The following ADAMTS17 variants were observed in gnomAD, a reference collection of about 807,000 sequenced individuals.
The protein encoded by ADAMTS17 is ADAM metallopeptidase with thrombospondin type 1 motif 17.
ADAMTS17 carries 113 observed loss-of-function variants against 141.5 expected under a neutral mutation model. The observed-to-expected ratio is 0.80, with a 90% CI of 0.69 to 0.93. ADAMTS17 has a LOEUF of 0.93. Among genes scored for constraint, ADAMTS17 ranks in the 40% least tolerant of loss-of-function variants. The pLI, the probability that ADAMTS17 is intolerant of heterozygous loss-of-function variation, is 0.00. For missense variants in ADAMTS17, 1,659 were observed against 1,517.9 expected (o/e 1.09, Z -1.54); for synonymous variants, 768 against 630.6 (o/e 1.22, Z -3.27).
intron 3 of ADAMTS17, among the ~76,000 whole-genome samples, chr15:100,310,998 G>T (rs546310804): frequency 2.6e-5 from 4 of 152,206 alleles, no homozygotes; most frequent in African/African-American, 9.6e-5. Context: ...CAGCTGTCCC[G>T]GTGAGACTTT....
At chr15:100,232,144 T>G (rs993228394) in intron 7 of ADAMTS17, among the ~76,000 whole-genome samples, 6 of 152,222 alleles carry the variant, frequency 3.9e-5, no homozygotes, top group African/African-American at 1.4e-4. Context: ...AAAATTGGGT[T>G]GGGTTGGGGA....
chr15:100,229,632 G>T (rs1054921540), intron 7 of ADAMTS17, among the ~76,000 whole-genome samples: 1 of 152,150 alleles, frequency 6.6e-6, no homozygotes, highest in Non-Finnish European at 1.5e-5. Context: ...TGACCTCAAA[G>T]AATCATATGA....
At chr15:100,245,301 ACT>A (rs1240043581) in intron 7 of ADAMTS17, among the ~76,000 whole-genome samples, 1 of 148,326 alleles carries the variant, frequency 6.7e-6, no homozygotes, top group Non-Finnish European at 1.5e-5. Context: ...AAGGAAGGAC[ACT>A]CTTACAGGAC....
chr15:100,160,525 C>T (rs2141403449), intron 8 of ADAMTS17, among the ~76,000 whole-genome samples: 1 of 152,316 alleles, frequency 6.6e-6, no homozygotes, highest in African/African-American at 2.4e-5. Context: ...TCCTTCTTCC[C>T]ACAGGGCCTC....
intron 8 of ADAMTS17, among the ~76,000 whole-genome samples, chr15:100,178,250 G>A (rs546885228): frequency 6.6e-6 from 1 of 152,140 alleles, no homozygotes; most frequent in African/African-American, 2.4e-5. Flanking sequence ...TAGACATCCT[G>A]TGGGTTACTT....
rs1159129056 is a variant in ADAMTS17 at position 100,132,868 on chromosome 15, C to T, written c.1575+346G>A. ...AGCTAGAATTGGATAATACTGTTCTCACTGAATTATTTTTACGAGAGCCTA... is the reference window on the plus strand; with the variant it reads ...AGCTAGAATTGGATAATACTGTTCTTACTGAATTATTTTTACGAGAGCCTA... On this transcript the variant is annotated intron_variant, in intron 11 of 21. Transcript: ENST00000268070. Among the ~76,000 whole-genome samples the T allele has an allele frequency of 2.0e-5, 3 of 152,188 alleles. No individual in the cohort carries two copies. In the East Asian group the frequency reaches 5.8e-4, roughly 29 times the overall value.
At position 99,997,845 on chromosome 15, in the gene ADAMTS17, T is replaced by C. The variant is rs1274336945; in HGVS notation, c.2592-256A>G. Among the ~76,000 whole-genome samples the C allele has an allele frequency of 6.6e-6, 1 of 152,190 alleles. No homozygotes were observed. Among genetic ancestry groups the C allele is most frequent in the Non-Finnish European group, 1.5e-5 (1 of 68,024 alleles). ...AACACCCCTACGGCAGACAGAATTATCTGGTCACGGCCTCCCTGTAGGGAA... is the reference window on the plus strand; with the variant it reads ...AACACCCCTACGGCAGACAGAATTACCTGGTCACGGCCTCCCTGTAGGGAA... On this transcript the variant is annotated intron_variant, in intron 18 of 21. Transcript: ENST00000268070. This position sits in a 1 kb window ranked among gnomAD's most constrained non-coding sequence, Gnocchi z 4.7.
rs946158140 is a variant in ADAMTS17, at chr15:100,224,609, C to T, written c.1076-25186G>A. ...TTATTATAAGGTCCTCGTTCTTCAC[C>T]CCCAGTGCAAAGGCGAGGAAAGGTC... is the stretch of plus-strand genomic sequence containing the variant. On this transcript the variant is annotated intron_variant, in intron 7 of 21. Coordinates refer to ENST00000268070, the MANE Select transcript of ADAMTS17 (RefSeq NM_139057.4). Among the ~76,000 whole-genome samples the T allele has an allele frequency of 1.3e-5, 2 of 152,154 alleles. 1 individual carries two copies. The highest frequency in any genetic ancestry group is 4.8e-5 in the African/African-American group (2 of 41,434).
At chr15:100,150,707 G>A (rs1169669524) in intron 10 of ADAMTS17, among the ~76,000 whole-genome samples, 1 of 152,214 alleles carries the variant, frequency 6.6e-6, no homozygotes, top group East Asian at 1.9e-4. Flanking sequence ...TGTAGGGCCA[G>A]CTCAGCCTGG....
Position 100,330,625 on chromosome 15 carries a change from A to G in ADAMTS17, c.616+264T>C, listed in dbSNP as rs913691121. On this transcript the variant is annotated intron_variant, in intron 3 of 21. Coordinates refer to ENST00000268070, the MANE Select transcript of ADAMTS17 (RefSeq NM_139057.4). ...CGGCTACAAGGTTTTTTGGACCTCA[A>G]CTTGCTCTTGATATATAAAATTGAG... Among the ~76,000 whole-genome samples, 6 of 152,186 alleles carry G rather than the reference A, an allele frequency of 3.9e-5. No homozygotes were observed. The South Asian group carries it at 1.0e-3, about 26-fold the overall frequency.
chr15:100,012,639 G>T (rs1033231489), intron 18 of ADAMTS17, among the ~76,000 whole-genome samples: 2 of 152,114 alleles, frequency 1.3e-5, no homozygotes, highest in Non-Finnish European at 2.9e-5. Flanking sequence ...TGCTGAAAAG[G>T]GTGTCCTTTC....
chr15:99,993,890 C>A lies in ADAMTS17; in HGVS notation c.2797-690G>T, dbSNP rs527320953. Among the ~76,000 whole-genome samples, 7 of 152,224 alleles carry A rather than the reference C, an allele frequency of 4.6e-5. No individual in the cohort carries two copies. The highest frequency in any genetic ancestry group is 1.7e-4 in the African/African-American group (7 of 41,510). On this transcript the variant is annotated intron_variant, in intron 19 of 21. Coordinates refer to ENST00000268070, the MANE Select transcript of ADAMTS17 (RefSeq NM_139057.4). This position sits in a 1 kb window ranked among gnomAD's most constrained non-coding sequence, Gnocchi z 4.3. ...AGTGGGGATGGGACCTGGGCAGGGC[C>A]TGGGGGTGATGAATGATGTGCCTGC...
At chr15:100,038,832 C>T (rs528681690) in intron 18 of ADAMTS17, among the ~76,000 whole-genome samples, 1 of 152,314 alleles carries the variant, frequency 6.6e-6, no homozygotes, top group Admixed American at 6.5e-5. Flanking sequence ...AATGCCTAGG[C>T]TGGAATCTTT....
chr15:100,284,939 T>G (rs1251250304), intron 3 of ADAMTS17, among the ~76,000 whole-genome samples: 1 of 152,208 alleles, frequency 6.6e-6, no homozygotes, highest in Non-Finnish European at 1.5e-5. Flanking sequence ...CGTGACCAGC[T>G]GTCTCCAGCT....
chr15:100,288,809 G>A (rs2044533532), intron 3 of ADAMTS17, among the ~76,000 whole-genome samples: 1 of 152,008 alleles, frequency 6.6e-6, no homozygotes, highest in Non-Finnish European at 1.5e-5. Flanking sequence ...AAACTAATGA[G>A]AAAAAAGATA....
rs370182665 is a variant in ADAMTS17 at position 100,121,116 on chromosome 15, G to C, written c.1722-4103C>G. On this transcript the variant is annotated intron_variant, in intron 12 of 21. Transcript: ENST00000268070. ...TCAGAGAAGATTTTAGCAGGCAGAA[G>C]AAAGAATTAGCAAACTTGAATATAG... 4.3e-4 allele frequency among the ~76,000 whole-genome samples: 66 copies of C among 152,308 alleles called. 3 individuals are homozygous for C. The South Asian group carries it at 0.014, about 32-fold the overall frequency.
At chr15:100,230,271 A>G (rs999275771) in intron 7 of ADAMTS17, among the ~76,000 whole-genome samples, 1 of 152,244 alleles carries the variant, frequency 6.6e-6, no homozygotes. Context: ...TGGTACCTTC[A>G]AAGAGAACTC....
rs950472652 is a variant in ADAMTS17 at position 99,993,300 on chromosome 15, G to A, written c.2797-100C>T. On this transcript the variant is annotated intron_variant, in intron 19 of 21. Coordinates refer to ENST00000268070, the MANE Select transcript of ADAMTS17 (RefSeq NM_139057.4). This position sits in a 1 kb window ranked among gnomAD's most constrained non-coding sequence, Gnocchi z 4.3. ...AATGTGCCAGGTGCGGTGTGGGGAT[G>A]ATACAAAGATGAAAACCCACACTTC... The A allele has an allele frequency of 6.0e-6, 9 of 1,506,464 alleles. 1 individual carries two copies. The highest frequency in any genetic ancestry group is 1.4e-5 in the African/African-American group (1 of 73,006). 93.3% of individuals were successfully genotyped at this position (1,506,464 alleles called of 1,614,324 possible).
At chr15:100,084,582 G>A (rs554376941) in intron 15 of ADAMTS17, among the ~76,000 whole-genome samples, 1 of 152,222 alleles carries the variant, frequency 6.6e-6, no homozygotes, top group Non-Finnish European at 1.5e-5. Context: ...GCCTAAATGG[G>A]AGGCACCCCC....
Sources: allele counts gnomAD v4.1 joint callset (sites outside exome capture counted in the v4.1 genomes callset), GRCh38; gene constraint gnomAD v4.1.1; non-coding constraint Gnocchi (gnomAD v3.1); transcripts MANE v1.5; gene names NCBI Gene and HGNC (gene_info 2026-07-23, HGNC 2026-07-21).